The following CCDC110 variants were observed in gnomAD, a reference collection of about 807,000 sequenced individuals.
CCDC110 encodes the protein coiled-coil domain containing 110.
In CCDC110, 70 loss-of-function variants were observed where a neutral mutation model predicts 77.1. The observed-to-expected ratio is 0.91, with a 90% confidence interval of 0.75 to 1.11. The LOEUF is 1.11. Ranked by LOEUF, CCDC110 falls within the 50% of genes least tolerant of loss-of-function variation. The pLI is 0.00. For synonymous variants in CCDC110, 295 were observed against 312.5 expected (o/e 0.94, Z 0.59); for missense variants, 868 against 942.9 (o/e 0.92, Z 1.04).
At chr4:185,470,307 G>T (rs943607380) in intron 2 of CCDC110, among the ~76,000 whole-genome samples, 1 of 152,086 alleles carries the variant, frequency 6.6e-6, no homozygotes, top group Non-Finnish European at 1.5e-5. Flanking sequence ...AAATGGGGTA[G>T]TATTTGCATA....
chr4:185,464,534 G>A (rs1441530469), intron 2 of CCDC110, among the ~76,000 whole-genome samples: 1 of 152,156 alleles, frequency 6.6e-6, no homozygotes, highest in African/African-American at 2.4e-5. Flanking sequence ...GGAACTGAAG[G>A]AAGGCCCAGA....
At chr4:185,457,834 A>C (rs902511550) in intron 6 of CCDC110, 26 of 1,363,096 alleles carry the variant, frequency 1.9e-5, no homozygotes, top group Non-Finnish European at 2.4e-5. Flanking sequence ...AAAAAAAAGA[A>C]TTCTTTTAAG....
chr4:185,446,962 G>A (rs1003904022), intron 6 of CCDC110, among the ~76,000 whole-genome samples: 1 of 152,008 alleles, frequency 6.6e-6, no homozygotes, highest in African/African-American at 2.4e-5. Context: ...TGAAATACAT[G>A]TACTTTCTTT....
At chr4:185,466,319 G>A (rs1008400173) in intron 2 of CCDC110, among the ~76,000 whole-genome samples, 1 of 152,102 alleles carries the variant, frequency 6.6e-6, no homozygotes, top group South Asian at 2.1e-4. Context: ...AGGTTGCAGT[G>A]AGCCGAGATT....
intron 2 of CCDC110, chr4:185,470,550 T>A (rs1046419017): frequency 2.5e-6 from 1 of 407,970 alleles, no homozygotes; most frequent in African/African-American, 2.0e-5. Context: ...ATCGTTTTAG[T>A]GTGTGTCCAA....
intron 2 of CCDC110, among the ~76,000 whole-genome samples, chr4:185,466,106 T>G (rs543918848): frequency 6.6e-6 from 1 of 152,316 alleles, no homozygotes; most frequent in South Asian, 2.1e-4. Flanking sequence ...CCGGGTGCAG[T>G]GGCTCGCACC....
intron 1 of CCDC110, 38 bp from the exon 2 acceptor site, chr4:185,471,087 C>A: frequency 2.0e-6 from 1 of 491,870 alleles, no homozygotes; most frequent in South Asian, 2.6e-5. Context: ...TGTCGCGGGT[C>A]GTGGCGTGGC....
intron 2 of CCDC110, 121 bp downstream of exon 2, chr4:185,470,823 CG>C (rs2153326072): frequency 2.6e-6 from 2 of 774,818 alleles, no homozygotes; most frequent in South Asian, 2.7e-5. Context: ...GCGCGAGTGC[CG>C]TGGTGGCTGC....
intron 6 of CCDC110, among the ~76,000 whole-genome samples, chr4:185,453,904 C>T (rs1472418272): frequency 2.0e-5 from 3 of 148,304 alleles, no homozygotes; most frequent in Admixed American, 6.7e-5. Context: ...ACCTCTGCCT[C>T]CTGGGTTCAC....
At chr4:185,460,701 G>C (rs921497599) in intron 5 of CCDC110, among the ~76,000 whole-genome samples, 3 of 152,142 alleles carry the variant, frequency 2.0e-5, no homozygotes, top group Non-Finnish European at 2.9e-5. Context: ...CACAGTGATG[G>C]TAACTTTGGT....
In CCDC110 at chr4:185,459,301, T is replaced by G. The variant is rs114701079; in HGVS notation, c.1286A>C (p.Gln429Pro). 5.0e-4 allele frequency: 811 copies of G among 1,612,492 alleles called. 6 individuals are homozygous for G. In the African/African-American group the frequency reaches 9.3e-3, roughly 19 times the overall value. ...SVTEQCVAKI[Q>P]YLQNYLKESV... is the part of the protein sequence containing the mutation. ...TTCTTTTAGGTAATTCTGTAAGTAC[T>G]GAATTTTTGCAACACACTGCTCAGT... Residue 429 changes from glutamine (Q) to proline (P), a missense_variant, in exon 6 of 7, where the codon CAG becomes CCG. By Grantham distance (76) the Gln-to-Pro change is moderately conservative. Coordinates refer to ENST00000307588, the MANE Select transcript of CCDC110 (RefSeq NM_152775.4).
intron 2 of CCDC110, among the ~76,000 whole-genome samples, chr4:185,465,391 A>G (rs1175516218): frequency 1.3e-5 from 2 of 152,264 alleles, no homozygotes. Context: ...AAAGATTTCA[A>G]AGAAAGCAAT....
chr4:185,469,409 A>G (rs758969684), intron 2 of CCDC110, among the ~76,000 whole-genome samples: 38 of 152,278 alleles, frequency 2.5e-4, no homozygotes, highest in Middle Eastern at 3.4e-3. Flanking sequence ...TACATGTGCT[A>G]TTTTGCATGT....
chr4:185,459,912 A>G lies in CCDC110; in HGVS notation c.675T>C (p.Ile225=). 6.2e-7 allele frequency: 1 copy of G among 1,613,910 alleles called. No individual in the cohort carries two copies. Among genetic ancestry groups the G allele is most frequent in the East Asian group, 2.2e-5 (1 of 44,836 alleles). The change falls in exon 6 of 7, where the codon ATT becomes ATC. Residue 225 remains isoleucine (I), a synonymous_variant. Transcript: ENST00000307588. The part of the protein sequence containing the change: ...ADTVILDKSK[I]TVPFLKHGFC... ...ATCCATGCTTGAGAAAAGGCACAGT[A>G]ATTTTGGATTTATCCAGAATTACTG...
intron 5 of CCDC110, 61 bp from the exon 6 acceptor site, chr4:185,460,299 A>T: frequency 7.7e-7 from 1 of 1,293,394 alleles, no homozygotes; most frequent in Non-Finnish European, 1.1e-6. Flanking sequence ...AAAGCAGTAC[A>T]GATAATATTT....
chr4:185,447,381 T>C (rs4862532), intron 6 of CCDC110, among the ~76,000 whole-genome samples: 129,352 of 151,912 alleles, frequency 0.85, 55,973 homozygotes, highest in East Asian at 0.99. Context: ...GGGGTTTCAC[T>C]GTGTTAGCCA....
intron 6 of CCDC110, among the ~76,000 whole-genome samples, chr4:185,454,653 G>T (rs2095633657): frequency 6.6e-6 from 1 of 152,048 alleles, no homozygotes; most frequent in Non-Finnish European, 1.5e-5. Flanking sequence ...GGCGGAGGTT[G>T]CAGTGAGCTG....
At chr4:185,467,747 C>G (rs930634581) in intron 2 of CCDC110, among the ~76,000 whole-genome samples, 2 of 152,110 alleles carry the variant, frequency 1.3e-5, no homozygotes, top group African/African-American at 2.4e-5. Context: ...GCAAACAGAC[C>G]AAGAGGAACC....
At chr4:185,462,033 A>G (rs4286574) in intron 4 of CCDC110, among the ~76,000 whole-genome samples, 69,649 of 151,906 alleles carry the variant, frequency 0.46, 16,833 homozygotes, top group Middle Eastern at 0.58. Flanking sequence ...AGGAGGCAGA[A>G]GTCGCAGGGA....
Sources: allele counts gnomAD v4.1 joint callset (sites outside exome capture counted in the v4.1 genomes callset), GRCh38; gene constraint gnomAD v4.1.1; transcripts MANE v1.5; gene names NCBI Gene and HGNC (gene_info 2026-07-23, HGNC 2026-07-21).